MYO10: variants seen among roughly 807,000 people sequenced by gnomAD.
The protein encoded by MYO10 is myosin X.
Under a neutral mutation model 257.3 loss-of-function variants are expected in MYO10, and 133 were observed. That is an observed-to-expected ratio of 0.52 (90% CI 0.45 to 0.60). The LOEUF is 0.60. Among genes scored for constraint, MYO10 ranks in the 20% least tolerant of loss-of-function variants. The pLI is 0.00. For synonymous variants in MYO10, 1,104 were observed against 1,028.6 expected (o/e 1.07, Z -1.40); for missense variants, 2,399 against 2,635.7 (o/e 0.91, Z 1.97).
At chr5:16,822,095 T>C (rs898229146) in intron 2 of MYO10, among the ~76,000 whole-genome samples, 17 of 152,084 alleles carry the variant, frequency 1.1e-4, no homozygotes, top group African/African-American at 4.1e-4. Context: ...TTGTCTGGCA[T>C]TCAGAAGGTG....
In MYO10 at chr5:16,694,366, C is replaced by T; in HGVS notation, c.3800+5G>A. On this transcript the variant is annotated splice_donor_5th_base_variant and intron_variant, in intron 27 of 40. Coordinates refer to ENST00000513610, the MANE Select transcript of MYO10 (RefSeq NM_012334.3). ...ATCGGGCCACAGCCAGGCTTAGCAA[C>T]CTACTTTGCCGTTCGCACTTCTACG... is the stretch of plus-strand genomic sequence containing the variant. 2 of 1,613,964 alleles carry T rather than the reference C, an allele frequency of 1.2e-6. No homozygotes were observed. Among genetic ancestry groups the T allele is most frequent in the Non-Finnish European group, 1.7e-6 (2 of 1,179,838 alleles).
chr5:16,707,614 G>A (rs76171519), intron 21 of MYO10, among the ~76,000 whole-genome samples: 195 of 152,316 alleles, frequency 1.3e-3, no homozygotes, highest in African/African-American at 4.6e-3. Flanking sequence ...GAAGTCCAGA[G>A]GGTCAGAAAA....
At chr5:16,796,514 A>C (rs1741978504) in intron 3 of MYO10, among the ~76,000 whole-genome samples, 1 of 151,960 alleles carries the variant, frequency 6.6e-6, no homozygotes, top group Non-Finnish European at 1.5e-5. Context: ...TAAATAAATA[A>C]ATAGAGGCTA....
At chr5:16,807,580 T>C (rs1233052011) in intron 3 of MYO10, among the ~76,000 whole-genome samples, 2 of 151,848 alleles carry the variant, frequency 1.3e-5, no homozygotes, top group African/African-American at 2.4e-5. Context: ...CATTCCTTCC[T>C]CCATTGCTCT....
At position 16,817,966 on chromosome 5, in the gene MYO10, C is replaced by CA. The variant is rs201821318; in HGVS notation, c.279+42dup. The stretch of plus-strand genomic sequence containing the variant: ...CTGAAAACAAAAATAAGCATTCACT[C>CA]AAACGTGAGGATCTTTTTAAAGGAA... On this transcript the variant is annotated intron_variant, in intron 3 of 40. Coordinates refer to ENST00000513610, the MANE Select transcript of MYO10 (RefSeq NM_012334.3). 7.3e-3 allele frequency: 10,021 copies of CA among 1,371,276 alleles called. 71 individuals carry two copies. The highest frequency in any genetic ancestry group is 0.033 in the Middle Eastern group (151 of 4,564). The allele number at this position is 1,371,276 out of a possible 1,614,324, so 84.9% of individuals were successfully genotyped here. A position where few individuals can be genotyped will look rare whatever the true frequency, so the allele number is the denominator to read the frequency against.
chr5:16,935,576 G>C (rs1177304440), intron 1 of MYO10, among the ~76,000 whole-genome samples: 2 of 152,022 alleles, frequency 1.3e-5, no homozygotes, highest in African/African-American at 2.4e-5. Context: ...CTACCTCCCG[G>C]AGCAAAATGC....
At chr5:16,922,389 T>C (rs1033703911) in intron 1 of MYO10, among the ~76,000 whole-genome samples, 2 of 152,130 alleles carry the variant, frequency 1.3e-5, no homozygotes, top group Non-Finnish European at 2.9e-5. Context: ...CAGCTTGTGA[T>C]AGCAAAGTTT....
At chr5:16,935,458 G>T (rs1746408694) in intron 1 of MYO10, among the ~76,000 whole-genome samples, 1 of 152,110 alleles carries the variant, frequency 6.6e-6, no homozygotes, top group South Asian at 2.1e-4. Flanking sequence ...GGGCAGTCGA[G>T]CGGGCGGATC....
rs150040824 is a variant in MYO10 at position 16,703,680 on chromosome 5, G to A, written c.2277-522C>T. 1.3e-3 allele frequency among the ~76,000 whole-genome samples: 201 copies of A among 152,044 alleles called. 1 individual carries two copies. Among genetic ancestry groups the A allele is most frequent in the African/African-American group, 4.4e-3 (182 of 41,498 alleles). On this transcript the variant is annotated intron_variant, in intron 22 of 40. Coordinates refer to ENST00000513610, the MANE Select transcript of MYO10 (RefSeq NM_012334.3). The stretch of plus-strand genomic sequence containing the variant: ...GATGGATCACGAAGGTCAAGAGATC[G>A]AGACCATCCTGGCCAACATGGTGAA...
chr5:16,700,400 G>A (rs1013151439), intron 25 of MYO10, among the ~76,000 whole-genome samples: 1 of 152,204 alleles, frequency 6.6e-6, no homozygotes, highest in Non-Finnish European at 1.5e-5. Flanking sequence ...TTTTAAGCCG[G>A]GCATGGTGGC....
Position 16,711,289 on chromosome 5 carries a change from T to C in MYO10, c.1930-44A>G, listed in dbSNP as rs771737440. On this transcript the variant is annotated intron_variant, in intron 19 of 40. Coordinates refer to ENST00000513610, the MANE Select transcript of MYO10 (RefSeq NM_012334.3). ...AAAGATGGGATACCATTAGAAAAAA[T>C]GGAATTCGATAAGGGAGGCTTAATA... The C allele has an allele frequency of 3.2e-6, 5 of 1,572,956 alleles. No homozygotes were observed. In the East Asian group the frequency reaches 1.1e-4, roughly 36 times the overall value.
chr5:16,774,716 C>G (rs1010624026), intron 9 of MYO10, among the ~76,000 whole-genome samples: 4 of 151,990 alleles, frequency 2.6e-5, no homozygotes, highest in African/African-American at 9.7e-5. Context: ...CCACCGTGCC[C>G]GGCCAATGTT....
rs1736098708 is a variant in MYO10 at position 16,665,082 on chromosome 5, A to G, written c.*1610T>C. ...GCCAGGCGTGGTGATGCATGCCTGT[A>G]CTCCCAACTCCTTGGGAGGCTGAGG... On this transcript the variant is annotated 3_prime_UTR_variant, in exon 41 of 41. Coordinates refer to ENST00000513610, the MANE Select transcript of MYO10 (RefSeq NM_012334.3). The G allele has an allele frequency of 6.6e-6, 1 of 152,040 alleles. No homozygotes were observed. Among genetic ancestry groups the G allele is most frequent in the Non-Finnish European group, 1.5e-5 (1 of 68,180 alleles). The allele number at this position is 152,040 out of a possible 1,614,324, so 9.4% of individuals were successfully genotyped here. A position where few individuals can be genotyped will look rare whatever the true frequency, so the allele number is the denominator to read the frequency against.
intron 19 of MYO10, among the ~76,000 whole-genome samples, chr5:16,724,636 T>C (rs927375298): frequency 6.6e-6 from 1 of 152,108 alleles, no homozygotes; most frequent in African/African-American, 2.4e-5. Flanking sequence ...CAAGACGTCA[T>C]GAAGTAACTC....
Position 16,710,955 on chromosome 5 carries a change from G to A in MYO10, c.2122C>T (p.Gln708Ter). Residue 708 changes from glutamine to a stop codon, truncating the protein, a stop_gained, in exon 21 of 41, where the codon CAG (glutamine) becomes TAG (stop). Transcript: ENST00000513610. LOFTEE classifies it high-confidence loss of function. Reference sequence around the variant, plus strand: ...TCGCTGTTGGAGGCATCATAGAGCTGCAGCAGGCTCGTGCACTTCCCTCGG... The same window carrying A: ...TCGCTGTTGGAGGCATCATAGAGCTACAGCAGGCTCGTGCACTTCCCTCGG... ...DVRGKCTSLL[Q>*]LYDASNSEWQ... The A allele has an allele frequency of 6.2e-7, 1 of 1,613,916 alleles. No individual in the cohort carries two copies. The highest frequency in any genetic ancestry group is 8.5e-7 in the Non-Finnish European group (1 of 1,179,878).
At chr5:16,815,162 C>CAA (rs35892466) in intron 3 of MYO10, 12,721 of 275,342 alleles carry the variant, frequency 0.046, 90 homozygotes, top group African/African-American at 0.064. Flanking sequence ...GACACTATTA[C>CAA]AAAAAAAAAC....
At position 16,764,512 on chromosome 5, in the gene MYO10, G is replaced by C. The variant is rs562811338; in HGVS notation, c.1180-116C>G. On this transcript the variant is annotated intron_variant, in intron 11 of 40. Coordinates refer to ENST00000513610, the MANE Select transcript of MYO10 (RefSeq NM_012334.3). ...GACTAGCATAGCATCTGGCCCTCCA[G>C]TGTGAAGTCAATCGATCTCATCTAG... The C allele has an allele frequency of 1.0e-4, 114 of 1,098,282 alleles. No homozygotes were observed. In the Admixed American group the frequency reaches 3.1e-3, roughly 30 times the overall value. 68.0% of individuals were successfully genotyped at this position (1,098,282 alleles called of 1,614,324 possible).
rs546298447 is a variant in MYO10 at position 16,780,584 on chromosome 5, C to T, written c.766G>A (p.Gly256Arg). 124 of 1,580,034 alleles carry T rather than the reference C, an allele frequency of 7.8e-5. No individual in the cohort carries two copies. Among genetic ancestry groups the T allele is most frequent in the South Asian group, 1.9e-4 (16 of 86,172 alleles). The change falls in exon 8 of 41, where the codon GGG becomes AGG. Residue 256 changes from glycine (G) to arginine (R), a missense_variant. This residue lies in a region of MYO10 where 337 missense variants were observed against 446.8 expected (regional missense o/e 0.75). Coordinates refer to ENST00000513610, the MANE Select transcript of MYO10 (RefSeq NM_012334.3). ...EKNRVVRQNPGERNYHIFYAL... is the reference protein window; with the variant it reads ...EKNRVVRQNPRERNYHIFYAL... The stretch of plus-strand genomic sequence containing the variant: ...TAAAATATGTGATAATTCCTTTCCC[C>T]GGGATTTTGCCTTACTACTCGGTTC...
At chr5:16,922,496 C>A (rs1434565359) in intron 1 of MYO10, among the ~76,000 whole-genome samples, 1 of 152,128 alleles carries the variant, frequency 6.6e-6, no homozygotes, top group Non-Finnish European at 1.5e-5. Context: ...TAAGGGAAGG[C>A]TGAAACAGCT....
Sources: allele counts gnomAD v4.1 joint callset (sites outside exome capture counted in the v4.1 genomes callset), GRCh38; gene constraint gnomAD v4.1.1; regional missense constraint gnomAD v4.1.1; transcripts MANE v1.5; gene names NCBI Gene and HGNC (gene_info 2026-07-23, HGNC 2026-07-21).